Variants in HKDC1 observed in about 807,000 individuals in gnomAD.
HKDC1 encodes the protein hexokinase HKDC1.
In HKDC1, 66 loss-of-function variants were observed where a neutral mutation model predicts 96.6. The ratio of observed to expected loss-of-function variants is 0.68; its 90% CI spans 0.56 to 0.84. The LOEUF is 0.84. Ranked by LOEUF, HKDC1 falls within the 40% of genes least tolerant of loss-of-function variation. HKDC1 has a pLI of 0.00. For missense variants in HKDC1, 1,211 were observed against 1,208.1 expected, an observed-to-expected ratio of 1.00 and a Z score of -0.04; for synonymous variants, 466 against 473.1, an observed-to-expected ratio of 0.98 and a Z score of 0.20.
At chr10:69,249,797 C>T (rs74457880) in intron 10 of HKDC1, among the ~76,000 whole-genome samples, 1 of 152,226 alleles carries the variant, frequency 6.6e-6, no homozygotes, top group East Asian at 1.9e-4. Context: ...CCGCGCCAGA[C>T]CGGAGGCCCC....
chr10:69,235,870 C>T (rs1000378572), intron 4 of HKDC1, among the ~76,000 whole-genome samples: 14 of 152,180 alleles, frequency 9.2e-5, no homozygotes, highest in African/African-American at 2.2e-4. Context: ...CTGTACCTCG[C>T]GCTGTGCCAA....
In HKDC1 at chr10:69,266,823, G is replaced by A; in HGVS notation, c.*66G>A. 6.5e-7 allele frequency: 1 copy of A among 1,528,810 alleles called. No homozygotes were observed. The highest frequency in any genetic ancestry group is 8.8e-7 in the Non-Finnish European group (1 of 1,130,374). The allele number at this position is 1,528,810 out of a possible 1,614,324, so 94.7% of individuals were successfully genotyped here. On this transcript the variant is annotated 3_prime_UTR_variant, in exon 18 of 18. Coordinates refer to ENST00000354624, the MANE Select transcript of HKDC1 (RefSeq NM_025130.4). The stretch of plus-strand genomic sequence containing the variant: ...CAGCTTTTCCTCTGGCAGATCAGTT[G>A]GTCAGAGACCAATGGGCACCCTCCT...
chr10:69,241,571 C>T (rs771826475), intron 6 of HKDC1, among the ~76,000 whole-genome samples: 3 of 152,166 alleles, frequency 2.0e-5, no homozygotes, highest in Non-Finnish European at 4.4e-5. Context: ...GCAACCTCTG[C>T]CTCCCAGGCT....
At position 69,235,814 on chromosome 10, in the gene HKDC1, T is replaced by A. The variant is rs536523241; in HGVS notation, c.495+2681T>A. On this transcript the variant is annotated intron_variant, in intron 4 of 17. Transcript: ENST00000354624. ...TATCTATGTTGAATACCCACCAACATCTTTCTCAATAATAATGATAAAAGC... is the reference window on the plus strand; with the variant it reads ...TATCTATGTTGAATACCCACCAACAACTTTCTCAATAATAATGATAAAAGC... Among the ~76,000 whole-genome samples, 266 of 152,342 alleles carry A rather than the reference T, an allele frequency of 1.7e-3. 1 individual carries two copies. The highest frequency in any genetic ancestry group is 6.0e-3 in the African/African-American group (250 of 41,568).
In HKDC1 at chr10:69,258,940, T is replaced by G. The variant is rs775085562; in HGVS notation, c.2197T>G (p.Leu733Val). ...CGACACGGAGGTGGATGAGGGGTCC[T>G]TGAATCCTGGCAAGCAGAGGTGAAG... ...RYDTEVDEGS[L>V]NPGKQRYEKM... Residue 733 changes from leucine (L) to valine (V), a missense_variant, in exon 15 of 18, where the codon TTG (leucine) becomes GTG (valine). By Grantham distance (32) the Leu-to-Val change is conservative (BLOSUM62 1). Transcript: ENST00000354624. The G allele has an allele frequency of 1.3e-5, 20 of 1,585,522 alleles. No homozygotes were observed. The highest frequency in any genetic ancestry group is 1.8e-4 in the Middle Eastern group (1 of 5,616).
At position 69,261,087 on chromosome 10, in the gene HKDC1, T is replaced by G. The variant is rs116913369; in HGVS notation, c.2217-52T>G. 1.9e-4 allele frequency: 299 copies of G among 1,552,218 alleles called. 1 individual carries two copies. The East Asian group carries it at 5.7e-3, about 29-fold the overall frequency. On this transcript the variant is annotated intron_variant, in intron 15 of 17. Transcript: ENST00000354624. Reference sequence around the variant, plus strand: ...CAAAGCCTGGCCTTCTCACATCATGTGGTCTTCTGCATTGCAGGTCTGCCC... The same window carrying G: ...CAAAGCCTGGCCTTCTCACATCATGGGGTCTTCTGCATTGCAGGTCTGCCC...
At chr10:69,226,376 G>A (rs1843155299) in intron 1 of HKDC1, among the ~76,000 whole-genome samples, 1 of 152,188 alleles carries the variant, frequency 6.6e-6, no homozygotes, top group Admixed American at 6.5e-5. Flanking sequence ...GCTGGGTGAG[G>A]TGGCTCACGC....
intron 16 of HKDC1, among the ~76,000 whole-genome samples, chr10:69,263,070 G>A (rs537183501): frequency 6.6e-6 from 1 of 152,106 alleles, no homozygotes; most frequent in South Asian, 2.1e-4. Flanking sequence ...TTGTTGTTTT[G>A]TTTTTGTTTT....
intron 4 of HKDC1, among the ~76,000 whole-genome samples, chr10:69,233,816 T>G (rs969060166): frequency 6.9e-5 from 10 of 144,398 alleles, no homozygotes; most frequent in African/African-American, 2.6e-4. Flanking sequence ...GAGAATGGCG[T>G]GAACCCGGGA....
At chr10:69,259,387 G>A (rs999511360) in intron 15 of HKDC1, among the ~76,000 whole-genome samples, 1 of 152,196 alleles carries the variant, frequency 6.6e-6, no homozygotes, top group Admixed American at 6.5e-5. Context: ...GCTGGTTCTC[G>A]ACCATGATGT....
intron 4 of HKDC1, among the ~76,000 whole-genome samples, chr10:69,234,544 T>C (rs10762268): frequency 0.35 from 53,480 of 152,254 alleles, 10,047 homozygotes; most frequent in East Asian, 0.62. Context: ...CATGGGCCAT[T>C]GTGTCCCACC....
At chr10:69,239,413 G>A (rs973220630) in intron 5 of HKDC1, among the ~76,000 whole-genome samples, 3 of 152,180 alleles carry the variant, frequency 2.0e-5, no homozygotes, top group South Asian at 4.1e-4. Context: ...CCTCTCCGGA[G>A]GTCTTGGTTA....
intron 2 of HKDC1, among the ~76,000 whole-genome samples, chr10:69,229,392 T>C (rs4072135): frequency 0.15 from 23,457 of 152,258 alleles, 2,248 homozygotes; most frequent in African/African-American, 0.27. Context: ...TGGAAGGACG[T>C]TGAGCTTCGG....
chr10:69,264,197 CTGTGTGTGTGTGTG>C (rs34401681), intron 16 of HKDC1, among the ~76,000 whole-genome samples: 41,028 of 139,482 alleles, frequency 0.29, 5,875 homozygotes, highest in South Asian at 0.36. Flanking sequence ...AGATTTCCTT[CTGTGTGTGTGTGTG>C]TGTGTGTGTG....
At chr10:69,232,003 T>C (rs1843269041) in intron 2 of HKDC1, among the ~76,000 whole-genome samples, 1 of 152,216 alleles carries the variant, frequency 6.6e-6, no homozygotes, top group East Asian at 1.9e-4. Flanking sequence ...TTTGCTACTC[T>C]AACTATGGTC....
intron 7 of HKDC1, among the ~76,000 whole-genome samples, chr10:69,244,963 G>A (rs1305578701): frequency 1.3e-5 from 2 of 152,094 alleles, no homozygotes; most frequent in Non-Finnish European, 2.9e-5. Context: ...GTGCAGTGGT[G>A]CAATCTTGGC....
chr10:69,229,368 A>G (rs747647664), intron 2 of HKDC1, among the ~76,000 whole-genome samples: 1 of 152,210 alleles, frequency 6.6e-6, no homozygotes, highest in African/African-American at 2.4e-5. Flanking sequence ...CTTGGGATGG[A>G]CAGTGCCCTG....
intron 7 of HKDC1, among the ~76,000 whole-genome samples, chr10:69,245,628 G>T (rs1843528975): frequency 6.7e-6 from 1 of 149,886 alleles, no homozygotes; most frequent in Non-Finnish European, 1.5e-5. Context: ...GTCTGCCTGG[G>T]AAACAATTAG....
chr10:69,264,207 GTGTGTGTGTGT>G (rs1413188685), intron 16 of HKDC1, among the ~76,000 whole-genome samples: 3 of 67,244 alleles, frequency 4.5e-5, no homozygotes, highest in African/African-American at 1.8e-4. Flanking sequence ...CTGTGTGTGT[GTGTGTGTGTGT>G]GTGTGTGTGT....
Sources: allele counts gnomAD v4.1 joint callset (sites outside exome capture counted in the v4.1 genomes callset), GRCh38; gene constraint gnomAD v4.1.1; transcripts MANE v1.5; gene names NCBI Gene and HGNC (gene_info 2026-07-23, HGNC 2026-07-21).